The following GADL1 variants were observed in gnomAD, a reference collection of about 807,000 sequenced individuals.
The protein encoded by GADL1 is acidic amino acid decarboxylase GADL1.
A neutral mutation model predicts 69.5 loss-of-function variants in GADL1; 71 were observed. The observed-to-expected ratio is 1.02, with a 90% CI of 0.84 to 1.25. The LOEUF is 1.25. Among genes scored for constraint, GADL1 ranks in the 50% most tolerant of loss-of-function variants. The pLI is 0.00. For synonymous variants in GADL1, 254 were observed against 214.4 expected, an observed-to-expected ratio of 1.18 and a Z score of -1.62; for missense variants, 737 against 631.8, an observed-to-expected ratio of 1.17 and a Z score of -1.79.
At chr3:30,796,463 G>A (rs1299184238) in intron 12 of GADL1, among the ~76,000 whole-genome samples, 1 of 152,126 alleles carries the variant, frequency 6.6e-6, no homozygotes, top group African/African-American at 2.4e-5. Context: ...GTGAATCATC[G>A]TTACTACTGA....
rs550867961 is a variant in GADL1 at position 30,726,785 on chromosome 3, T to A, written c.*1457A>T. On this transcript the variant is annotated 3_prime_UTR_variant, in exon 15 of 15. Coordinates refer to ENST00000282538, the MANE Select transcript of GADL1 (RefSeq NM_207359.3). Reference sequence around the variant, plus strand: ...TTGGTGAACTCTACACCCACACCTATGAATTCTGTCAATTTCTTAGTTAAA... The same window carrying A: ...TTGGTGAACTCTACACCCACACCTAAGAATTCTGTCAATTTCTTAGTTAAA... The A allele has an allele frequency of 5.9e-5, 9 of 152,356 alleles. No individual in the cohort carries two copies. In the East Asian group the frequency reaches 1.7e-3, roughly 29 times the overall value. 9.4% of individuals were successfully genotyped at this position (152,356 alleles called of 1,614,324 possible).
At chr3:30,747,410 T>C (rs1003053792) in intron 14 of GADL1, among the ~76,000 whole-genome samples, 1 of 152,018 alleles carries the variant, frequency 6.6e-6, no homozygotes, top group Admixed American at 6.5e-5. Context: ...ATCTGAATAC[T>C]AGAGAAGGAA....
chr3:30,891,860 TA>T (rs60724151), intron 1 of GADL1, among the ~76,000 whole-genome samples: 6,844 of 148,612 alleles, frequency 0.046, 527 homozygotes, highest in African/African-American at 0.16. Flanking sequence ...TAGAGTGGGG[TA>T]AAAAAAAAAT....
At chr3:30,774,584 T>C (rs1696490435) in intron 14 of GADL1, among the ~76,000 whole-genome samples, 2 of 138,354 alleles carry the variant, frequency 1.4e-5, no homozygotes, top group East Asian at 2.0e-4. Flanking sequence ...TGCAAGAATC[T>C]TATCACTTCC....
At chr3:30,761,192 G>A (rs1292658810) in intron 14 of GADL1, among the ~76,000 whole-genome samples, 2 of 152,116 alleles carry the variant, frequency 1.3e-5, no homozygotes, top group Non-Finnish European at 2.9e-5. Flanking sequence ...CTCTAAATCA[G>A]GCTATATTTC....
rs1219998431 is a variant in GADL1 at position 30,862,985 on chromosome 3, C to T, written c.38-1220G>A. Among the ~76,000 whole-genome samples, 2 of 151,836 alleles carry T rather than the reference C, an allele frequency of 1.3e-5. 1 individual carries two copies. Among genetic ancestry groups the T allele is most frequent in the Middle Eastern group, 6.8e-3 (2 of 294 alleles). ...CATTCTTGCAGTCACCTTTCAAACA[C>T]ATGTACAAAGAGATCTTCGTAAACA... On this transcript the variant is annotated intron_variant, in intron 1 of 14. Transcript: ENST00000282538.
intron 14 of GADL1, among the ~76,000 whole-genome samples, chr3:30,737,709 G>C (rs1319494821): frequency 1.3e-5 from 2 of 152,064 alleles, no homozygotes; most frequent in Non-Finnish European, 2.9e-5. Context: ...TAGCTTGGCA[G>C]AATATGAAGA....
At chr3:30,845,240 ATAG>A (rs978872918) in intron 6 of GADL1, among the ~76,000 whole-genome samples, 2 of 152,180 alleles carry the variant, frequency 1.3e-5, no homozygotes, top group Non-Finnish European at 2.9e-5. Flanking sequence ...TTATTGATAA[ATAG>A]TAGTGTGTGC....
intron 14 of GADL1, among the ~76,000 whole-genome samples, chr3:30,767,672 A>T (rs906307384): frequency 1.3e-5 from 2 of 152,188 alleles, no homozygotes; most frequent in Non-Finnish European, 2.9e-5. Context: ...ATAAGAAAAC[A>T]GTAACTTCAG....
At chr3:30,751,417 C>T (rs1223428944) in intron 14 of GADL1, among the ~76,000 whole-genome samples, 1 of 151,598 alleles carries the variant, frequency 6.6e-6, no homozygotes, top group African/African-American at 2.4e-5. Context: ...CTCCGTTCTT[C>T]TGTTGCTTTG....
chr3:30,775,581 AT>A lies in GADL1; in HGVS notation c.1392+2597del, dbSNP rs536157738. On this transcript the variant is annotated intron_variant, in intron 14 of 14. Transcript: ENST00000282538. ...TTTGTCTGCAGCATGCATTTTTTCT[AT>A]TCAGTAGCAACTATAACAAATGAAG... 3.6e-4 allele frequency among the ~76,000 whole-genome samples: 54 copies of A among 152,012 alleles called. No homozygotes were observed. The East Asian group carries it at 8.7e-3, about 25-fold the overall frequency.
Position 30,844,261 on chromosome 3 carries a change from A to G in GADL1, c.735T>C (p.Gly245=). The change falls in exon 8 of 15, where the codon GGT becomes GGC. Residue 245 remains glycine, a synonymous_variant. Transcript: ENST00000282538. ...NVCFVETDGR[G]KMIPEELEKQ... ...TCTCCAGTTCCTCAGGTATCATTTTACCTCTAAGGGACAAAGATTTGAGAC... is the reference window on the plus strand; with the variant it reads ...TCTCCAGTTCCTCAGGTATCATTTTGCCTCTAAGGGACAAAGATTTGAGAC... 1.2e-6 allele frequency: 2 copies of G among 1,611,740 alleles called. No individual in the cohort carries two copies. Among genetic ancestry groups the G allele is most frequent in the Non-Finnish European group, 1.7e-6 (2 of 1,178,886 alleles).
chr3:30,784,257 T>C (rs891230302), intron 13 of GADL1, among the ~76,000 whole-genome samples: 1 of 152,210 alleles, frequency 6.6e-6, no homozygotes, highest in African/African-American at 2.4e-5. Flanking sequence ...CTTTTTACAG[T>C]TGGCTTGTTC....
chr3:30,744,448 G>A (rs1442891343), intron 14 of GADL1, among the ~76,000 whole-genome samples: 1 of 152,082 alleles, frequency 6.6e-6, no homozygotes, highest in East Asian at 1.9e-4. Flanking sequence ...TGAGTATGAT[G>A]ACCCCTAATC....
intron 14 of GADL1, among the ~76,000 whole-genome samples, chr3:30,738,665 C>G (rs532467581): frequency 1.3e-5 from 2 of 152,274 alleles, no homozygotes; most frequent in African/African-American, 4.8e-5. Flanking sequence ...TCTTTAGGTT[C>G]TATGGGCAGT....
At chr3:30,857,944 A>C (rs1208163975) in intron 2 of GADL1, among the ~76,000 whole-genome samples, 1 of 151,862 alleles carries the variant, frequency 6.6e-6, no homozygotes, top group African/African-American at 2.4e-5. Context: ...TCATAACTGA[A>C]TCCCTCACTT....
At chr3:30,748,013 C>T (rs1399747201) in intron 14 of GADL1, among the ~76,000 whole-genome samples, 1 of 152,294 alleles carries the variant, frequency 6.6e-6, no homozygotes, top group East Asian at 1.9e-4. Flanking sequence ...TTTACAAGTA[C>T]AGCCTACAAA....
intron 6 of GADL1, among the ~76,000 whole-genome samples, chr3:30,844,951 A>T (rs1253566575): frequency 3.4e-4 from 52 of 152,160 alleles, no homozygotes; most frequent in African/African-American, 1.2e-3. Flanking sequence ...AATCTAGTCC[A>T]CTGCTGACTT....
chr3:30,741,112 GTATA>G (rs67611024), intron 14 of GADL1, among the ~76,000 whole-genome samples: 11,645 of 113,720 alleles, frequency 0.1, 1,085 homozygotes, highest in African/African-American at 0.31. Flanking sequence ...TGTATTCCTA[GTATA>G]TATATATATA....
Sources: allele counts gnomAD v4.1 joint callset (sites outside exome capture counted in the v4.1 genomes callset), GRCh38; gene constraint gnomAD v4.1.1; transcripts MANE v1.5; gene names NCBI Gene and HGNC (gene_info 2026-07-23, HGNC 2026-07-21).